The following MORC1 variants were observed in gnomAD, a reference collection of about 807,000 sequenced individuals.
MORC1 encodes the protein MORC family CW-type zinc finger protein 1.
A neutral mutation model predicts 134.9 loss-of-function variants in MORC1; 59 were observed. The observed-to-expected ratio is 0.44, with a 90% CI of 0.35 to 0.54. The LOEUF (loss-of-function observed/expected upper bound fraction) is 0.54. Ranked by LOEUF, MORC1 falls within the 20% of genes least tolerant of loss-of-function variation. MORC1 has a pLI of 0.00. For synonymous variants in MORC1, 395 were observed against 391.7 expected, an observed-to-expected ratio of 1.01 and a Z score of -0.10; for missense variants, 947 against 1,134.5, an observed-to-expected ratio of 0.83 and a Z score of 2.37.
intron 8 of MORC1, among the ~76,000 whole-genome samples, chr3:109,079,684 G>A (rs1950489601): frequency 6.6e-6 from 1 of 152,020 alleles, no homozygotes; most frequent in Non-Finnish European, 1.5e-5. Context: ...ATGAGCAACA[G>A]AAGACACAAA....
intron 14 of MORC1, among the ~76,000 whole-genome samples, chr3:109,054,363 T>C (rs992482694): frequency 1.3e-5 from 2 of 152,056 alleles, no homozygotes; most frequent in African/African-American, 4.8e-5. Context: ...AACAACATTA[T>C]AAGAGCTACT....
chr3:109,022,931 T>C (rs3792348), intron 17 of MORC1, among the ~76,000 whole-genome samples: 64,253 of 151,974 alleles, frequency 0.42, 14,291 homozygotes, highest in Middle Eastern at 0.56. Flanking sequence ...ATATTAGACA[T>C]AAAGTGACTA....
intron 8 of MORC1, among the ~76,000 whole-genome samples, chr3:109,081,956 G>A (rs1950528137): frequency 6.6e-6 from 1 of 152,130 alleles, no homozygotes; most frequent in Non-Finnish European, 1.5e-5. Context: ...GTGTCTGGAG[G>A]GAGAAACGTC....
intron 21 of MORC1, among the ~76,000 whole-genome samples, chr3:108,994,929 T>G (rs1360443873): frequency 6.6e-6 from 1 of 152,204 alleles, no homozygotes. Flanking sequence ...ACCTCTCACC[T>G]GGTGATGTAA....
At chr3:109,109,009 C>T (rs1406085059) in intron 3 of MORC1, among the ~76,000 whole-genome samples, 1 of 152,038 alleles carries the variant, frequency 6.6e-6, no homozygotes, top group Admixed American at 6.5e-5. Context: ...ATTGAAGATG[C>T]TCATTCATTT....
At chr3:109,003,032 A>T (rs1948446523) in intron 20 of MORC1, among the ~76,000 whole-genome samples, 1 of 151,978 alleles carries the variant, frequency 6.6e-6, no homozygotes, top group Admixed American at 6.6e-5. Flanking sequence ...TAGTTACCAT[A>T]TTTTCTGGGA....
At chr3:109,054,689 C>T in intron 14 of MORC1, 39 bp downstream of exon 14, 1 of 1,439,620 alleles carries the variant, frequency 6.9e-7, no homozygotes, top group Non-Finnish European at 9.2e-7. Flanking sequence ...AAAGTAATCC[C>T]TCTGTAAGTA....
At chr3:109,114,483 A>G (rs1375393129) in intron 1 of MORC1, 46 bp from the exon 2 acceptor site, 12 of 1,519,200 alleles carry the variant, frequency 7.9e-6, no homozygotes, top group Non-Finnish European at 1.1e-5. Flanking sequence ...CCAGGTGTGT[A>G]ATCAATGTAA....
intron 17 of MORC1, among the ~76,000 whole-genome samples, chr3:109,023,818 A>G (rs66851239): frequency 6.6e-6 from 1 of 152,174 alleles, no homozygotes. Context: ...ACAACTGAGC[A>G]ATCCAGTGAA....
At chr3:109,054,139 G>A (rs140723566) in intron 14 of MORC1, among the ~76,000 whole-genome samples, 2,534 of 151,908 alleles carry the variant, frequency 0.017, 78 homozygotes, top group African/African-American at 0.059. Flanking sequence ...AAAATTAGGC[G>A]GGCGTGGTGG....
intron 16 of MORC1, among the ~76,000 whole-genome samples, chr3:109,030,401 C>T (rs993464039): frequency 3.9e-5 from 6 of 152,162 alleles, no homozygotes; most frequent in African/African-American, 1.2e-4. Flanking sequence ...CAATTTCTTC[C>T]CCCTCCCTGG....
At chr3:108,970,362 G>T (rs752187723) in intron 25 of MORC1, among the ~76,000 whole-genome samples, 4 of 152,242 alleles carry the variant, frequency 2.6e-5, no homozygotes, top group Non-Finnish European at 5.9e-5. Context: ...GAAGGTGAAA[G>T]TGGTCACCTA....
intron 14 of MORC1, among the ~76,000 whole-genome samples, chr3:109,038,458 T>C (rs1033639955): frequency 2.0e-5 from 3 of 152,140 alleles, no homozygotes; most frequent in East Asian, 1.9e-4. Context: ...CCCATTTGTC[T>C]ATTTTGGCTT....
intron 8 of MORC1, among the ~76,000 whole-genome samples, chr3:109,071,869 T>C (rs1214686867): frequency 6.6e-6 from 1 of 152,144 alleles, no homozygotes; most frequent in Non-Finnish European, 1.5e-5. Flanking sequence ...GCCACTGTTA[T>C]CAGCTAGGAA....
intron 16 of MORC1, among the ~76,000 whole-genome samples, chr3:109,028,622 C>T (rs1949152461): frequency 6.6e-6 from 1 of 152,146 alleles, no homozygotes; most frequent in African/African-American, 2.4e-5. Context: ...CAAAAAAATA[C>T]TAATAACCCT....
At chr3:109,042,538 A>T (rs1290408098) in intron 14 of MORC1, among the ~76,000 whole-genome samples, 1 of 152,240 alleles carries the variant, frequency 6.6e-6, no homozygotes, top group Non-Finnish European at 1.5e-5. Flanking sequence ...TTCAAAAATT[A>T]AAAATAGAAC....
intron 21 of MORC1, among the ~76,000 whole-genome samples, chr3:108,996,726 T>A (rs1948240507): frequency 6.6e-6 from 1 of 151,852 alleles, no homozygotes; most frequent in Admixed American, 6.6e-5. Context: ...AAACAAAAAA[T>A]GCGGCCGGGA....
chr3:109,073,255 A>G (rs987948720), intron 8 of MORC1, among the ~76,000 whole-genome samples: 1 of 152,214 alleles, frequency 6.6e-6, no homozygotes, highest in Non-Finnish European at 1.5e-5. Context: ...AATGTGTTGC[A>G]GTCATCAAAC....
chr3:109,060,054 C>T (rs1287802535), intron 11 of MORC1, among the ~76,000 whole-genome samples, 184 bp from the exon 12 acceptor site: 3 of 152,158 alleles, frequency 2.0e-5, no homozygotes, highest in Admixed American at 6.5e-5. Flanking sequence ...AGAAGATAAA[C>T]CAAATCCTAA....
Sources: gnomAD v4.1 joint callset for allele counts (sites outside exome capture counted in the v4.1 genomes callset) on GRCh38, gnomAD v4.1.1 for gene constraint, MANE v1.5 for transcripts, NCBI Gene and HGNC (gene_info 2026-07-23, HGNC 2026-07-21) for gene names.